CCND3: variants seen among roughly 807,000 people sequenced by gnomAD.
CCND3 encodes the protein G1/S-specific cyclin-D3.
In CCND3, 9 loss-of-function variants were observed where a neutral mutation model predicts 28.7. That is an observed-to-expected ratio of 0.31 (90% CI 0.19 to 0.55). The LOEUF (loss-of-function observed/expected upper bound fraction) is 0.55. Ranked by LOEUF, CCND3 falls within the 20% of genes least tolerant of loss-of-function variation. The pLI is 0.93. For synonymous variants in CCND3, 164 were observed against 163.9 expected (o/e 1.00, Z 0.00); for missense variants, 315 against 385.8 (o/e 0.82, Z 1.54).
At chr6:41,999,802 G>C (rs146931251) in intron 1 of CCND3, among the ~76,000 whole-genome samples, 1,727 of 152,192 alleles carry the variant, frequency 0.011, 33 homozygotes, top group African/African-American at 0.037. Context: ...GAGGCAGGAG[G>C]ATTCTTCGAG....
intron 1 of CCND3, among the ~76,000 whole-genome samples, chr6:42,038,407 G>C (rs1159949138): frequency 1.3e-5 from 2 of 152,062 alleles, no homozygotes; most frequent in Non-Finnish European, 2.9e-5. Context: ...GGGCGTGGTG[G>C]CTTGTGCCTG....
chr6:42,035,922 C>A (rs892360039), intron 1 of CCND3, among the ~76,000 whole-genome samples: 1 of 151,946 alleles, frequency 6.6e-6, no homozygotes, highest in Non-Finnish European at 1.5e-5. Context: ...GTGATCCCCC[C>A]ACCTCGGCCT....
At chr6:42,017,986 T>C (rs1763572761) in intron 1 of CCND3, among the ~76,000 whole-genome samples, 1 of 151,616 alleles carries the variant, frequency 6.6e-6, no homozygotes, top group South Asian at 2.1e-4. Flanking sequence ...CCATCTCTAC[T>C]AAAAATACAA....
chr6:42,009,762 G>T (rs952293867), intron 1 of CCND3, among the ~76,000 whole-genome samples: 1 of 152,144 alleles, frequency 6.6e-6, no homozygotes, highest in Non-Finnish European at 1.5e-5. Flanking sequence ...GGCCAAGATT[G>T]TGCCACTGAA....
In CCND3 at chr6:41,936,608, G is replaced by A. The variant is rs1182268434; in HGVS notation, c.662C>T (p.Ser221Phe). 1 of 1,614,186 alleles carries A rather than the reference G, an allele frequency of 6.2e-7. No homozygotes were observed. Among genetic ancestry groups the A allele is most frequent in the Non-Finnish European group, 8.5e-7 (1 of 1,180,018 alleles). ...AVQGLGACSM[S>F]GDELTELLAG... ...CAGCAGCTCTGTGAGCTCATCCCCG[G>A]ACATGGAGCAGGCACCCAGGCCTTG... is the stretch of plus-strand genomic sequence containing the variant. Residue 221 changes from serine (S) to phenylalanine (F), a missense_variant, in exon 4 of 5, where the codon TCC becomes TTC. Physicochemically the swap from Ser to Phe is radical, Grantham distance 155. Transcript: ENST00000372991. The surrounding 1 kb of genome is among the most constrained non-coding windows in gnomAD (Gnocchi z 4.4).
At chr6:41,951,307 G>A (rs1427786126) in intron 1 of CCND3, among the ~76,000 whole-genome samples, 1 of 151,498 alleles carries the variant, frequency 6.6e-6, no homozygotes, top group Non-Finnish European at 1.5e-5. Flanking sequence ...TGTAATCCCA[G>A]CACTTTGGGA....
chr6:41,980,502 A>C (rs527856205), intron 1 of CCND3, among the ~76,000 whole-genome samples: 2 of 55,188 alleles, frequency 3.6e-5, no homozygotes, highest in South Asian at 1.9e-3. Flanking sequence ...CTCTTTCAGA[A>C]GACAGAGGCA....
intron 1 of CCND3, among the ~76,000 whole-genome samples, chr6:42,024,933 C>T (rs1165841773): frequency 6.6e-6 from 1 of 152,098 alleles, no homozygotes; most frequent in Non-Finnish European, 1.5e-5. Flanking sequence ...TGGTGCACAC[C>T]TGTAATCCTA....
chr6:42,040,941 T>A (rs2127440901), intron 1 of CCND3, among the ~76,000 whole-genome samples: 1 of 151,454 alleles, frequency 6.6e-6, no homozygotes, highest in Middle Eastern at 3.4e-3. Flanking sequence ...TTAATAAATA[T>A]CCATACTTAT....
intron 1 of CCND3, among the ~76,000 whole-genome samples, chr6:41,954,868 C>T (rs1201185149): frequency 6.6e-6 from 1 of 152,182 alleles, no homozygotes; most frequent in East Asian, 1.9e-4. Context: ...CCTGGAGCAG[C>T]TGCAGCCATC....
chr6:42,020,001 G>A (rs1370698930), intron 1 of CCND3, among the ~76,000 whole-genome samples: 4 of 152,080 alleles, frequency 2.6e-5, no homozygotes, highest in East Asian at 1.9e-4. Context: ...AAACCTTGCC[G>A]GGAGCGGTGG....
intron 1 of CCND3, among the ~76,000 whole-genome samples, chr6:41,981,660 A>G (rs1762352451): frequency 6.6e-6 from 1 of 152,018 alleles, no homozygotes; most frequent in African/African-American, 2.4e-5. Context: ...AGTAGCTGAG[A>G]TTACAGGCAT....
chr6:41,988,114 G>A (rs565637238), intron 1 of CCND3, among the ~76,000 whole-genome samples: 2 of 151,522 alleles, frequency 1.3e-5, no homozygotes, highest in Non-Finnish European at 3.0e-5. Context: ...TCAGGAGTTC[G>A]AGACCAACCT....
rs578074704 is a variant in CCND3, at chr6:42,007,986, G to A, written c.-46+40515C>T. Among the ~76,000 whole-genome samples the A allele has an allele frequency of 7.2e-5, 11 of 152,254 alleles. No individual in the cohort carries two copies. In the East Asian group the frequency reaches 9.6e-4, roughly 13 times the overall value. ...GTGAAGGCTGGGGACAGCAGCTGGC[G>A]GGGGAGCTGGGGGCTGGGGGAAGTG... is the stretch of plus-strand genomic sequence containing the variant. On this transcript the variant is annotated intron_variant, in intron 1 of 4. Coordinates refer to the CCND3 transcript ENST00000372988.
intron 1 of CCND3, among the ~76,000 whole-genome samples, chr6:42,042,995 T>C (rs557413884): frequency 6.6e-6 from 1 of 152,332 alleles, no homozygotes; most frequent in Admixed American, 6.5e-5. Flanking sequence ...GCACAAATGT[T>C]ACAGCCAAAT....
chr6:41,991,338 C>T (rs1762643602), intron 1 of CCND3, among the ~76,000 whole-genome samples: 1 of 152,206 alleles, frequency 6.6e-6, no homozygotes, highest in Admixed American at 6.5e-5. Context: ...GGATTATAGG[C>T]GTAAGCCACC....
At chr6:42,044,221 T>C (rs943878998) in intron 1 of CCND3, among the ~76,000 whole-genome samples, 1 of 152,246 alleles carries the variant, frequency 6.6e-6, no homozygotes, top group African/African-American at 2.4e-5. Flanking sequence ...GAAGAGCACC[T>C]TTTACGGGGG....
At chr6:42,030,886 C>T (rs990604686) in intron 1 of CCND3, among the ~76,000 whole-genome samples, 3 of 151,960 alleles carry the variant, frequency 2.0e-5, no homozygotes, top group Admixed American at 2.0e-4. Context: ...GGAGGGGAGG[C>T]CCCTGGAGCG....
At chr6:42,040,387 C>T (rs1017581029) in intron 1 of CCND3, among the ~76,000 whole-genome samples, 5 of 152,010 alleles carry the variant, frequency 3.3e-5, no homozygotes, top group Admixed American at 2.0e-4. Flanking sequence ...CATTGCACTC[C>T]AGCCTGGGCA....
Sources: allele counts gnomAD v4.1 joint callset (sites outside exome capture counted in the v4.1 genomes callset), GRCh38; gene constraint gnomAD v4.1.1; non-coding constraint Gnocchi (gnomAD v3.1); transcripts MANE v1.5; gene names NCBI Gene and HGNC (gene_info 2026-07-23, HGNC 2026-07-21).